Variants in KIAA1549L observed in about 807,000 individuals in gnomAD.
KIAA1549L encodes KIAA1549 like, also known as UPF0606 protein KIAA1549L.
Under a neutral mutation model 160.7 loss-of-function variants are expected in KIAA1549L, and 88 were observed. The observed-to-expected ratio is 0.55, with a 90% CI of 0.46 to 0.65. The LOEUF (loss-of-function observed/expected upper bound fraction) is 0.65, where lower values mean the gene tolerates loss of function less well. KIAA1549L is among the 30% of genes least tolerant of loss of function. The pLI, the probability that KIAA1549L is intolerant of heterozygous loss-of-function variation, is 0.00. For missense variants in KIAA1549L, 2,258 were observed against 2,437.5 expected, an observed-to-expected ratio of 0.93 and a Z score of 1.55; for synonymous variants, 950 against 976.7, an observed-to-expected ratio of 0.97 and a Z score of 0.51.
In KIAA1549L at chr11:33,671,603, C is replaced by A. The variant is rs185776796; in HGVS notation, c.*3449C>A. 1 of 152,174 alleles carries A rather than the reference C, an allele frequency of 6.6e-6. No homozygotes were observed. The highest frequency in any genetic ancestry group is 1.9e-4 in the East Asian group (1 of 5,186). 9.4% of individuals were successfully genotyped at this position (152,174 alleles called of 1,614,324 possible). On this transcript the variant is annotated 3_prime_UTR_variant, in exon 21 of 21. Coordinates refer to ENST00000658780, the MANE Select transcript of KIAA1549L (RefSeq NM_012194.3). Reference sequence around the variant, plus strand: ...TAAAACACACACACACACACACACACACACACACACACACCCTACTTCGGA... The same window carrying A: ...TAAAACACACACACACACACACACAAACACACACACACACCCTACTTCGGA...
chr11:33,472,595 G>T (rs1247346066), intron 1 of KIAA1549L, among the ~76,000 whole-genome samples: 1 of 152,144 alleles, frequency 6.6e-6, no homozygotes, highest in Non-Finnish European at 1.5e-5. Context: ...AAGACAGCCA[G>T]GACTTTCTGT....
Position 33,529,487 on chromosome 11 carries a change from T to A in KIAA1549L, c.239-12315T>A, listed in dbSNP as rs370745909. On this transcript the variant is annotated intron_variant, in intron 1 of 20. Transcript: ENST00000658780. ...TTATGTTCCAAATACTCTTAAAGGA[T>A]GAATGCCTTTAAGCCTCAAAACAGT... Among the ~76,000 whole-genome samples the A allele has an allele frequency of 3.3e-5, 5 of 152,334 alleles. No individual in the cohort carries two copies. The South Asian group carries it at 1.0e-3, about 32-fold the overall frequency.
intron 17 of KIAA1549L, 76 bp from the exon 18 acceptor site, chr11:33,655,936 T>G: frequency 9.7e-7 from 1 of 1,027,580 alleles, no homozygotes. Context: ...TGCTTCCTCC[T>G]CAAACAAGAG....
rs1852569838 is a variant in KIAA1549L at position 33,668,692 on chromosome 11, G to A, written c.*538G>A. ...AAGAAACCTGAGCCCCTTTTTTTTAGGTTCATATTCAAAGTCAAATGAACT... is the reference window on the plus strand; with the variant it reads ...AAGAAACCTGAGCCCCTTTTTTTTAAGTTCATATTCAAAGTCAAATGAACT... On this transcript the variant is annotated 3_prime_UTR_variant, in exon 21 of 21. Transcript: ENST00000658780. 1 of 155,424 alleles carries A rather than the reference G, an allele frequency of 6.4e-6. No homozygotes were observed. The highest frequency in any genetic ancestry group is 6.2e-5 in the Admixed American group (1 of 16,116). 9.6% of individuals were successfully genotyped at this position (155,424 alleles called of 1,614,324 possible). A position where few individuals can be genotyped will look rare whatever the true frequency, so the allele number is the denominator to read the frequency against.
At chr11:33,549,542 C>T (rs1178389862) in intron 4 of KIAA1549L, among the ~76,000 whole-genome samples, 2 of 152,150 alleles carry the variant, frequency 1.3e-5, no homozygotes, top group African/African-American at 4.8e-5. Context: ...GCTGAAATAC[C>T]TCTTGTTCCA....
intron 9 of KIAA1549L, among the ~76,000 whole-genome samples, chr11:33,570,899 C>T (rs561417640): frequency 2.6e-5 from 4 of 152,134 alleles, no homozygotes; most frequent in East Asian, 1.9e-4. Context: ...GAGTGTGGAG[C>T]GAAAAGGGCA....
rs535279359 is a variant in KIAA1549L, at chr11:33,635,658, G to A, written c.5410-10028G>A. Among the ~76,000 whole-genome samples, 6 of 151,272 alleles carry A rather than the reference G, an allele frequency of 4.0e-5. No homozygotes were observed. The South Asian group carries it at 6.3e-4, about 16-fold the overall frequency. On this transcript the variant is annotated intron_variant, in intron 16 of 20. Coordinates refer to ENST00000658780, the MANE Select transcript of KIAA1549L (RefSeq NM_012194.3). ...CCTCAAGAGCCCTTTATCCCTCTTCGTTAAGCCCATTCTAGATAAAACTGT... is the reference window on the plus strand; with the variant it reads ...CCTCAAGAGCCCTTTATCCCTCTTCATTAAGCCCATTCTAGATAAAACTGT...
In KIAA1549L at chr11:33,645,824, C is replaced by T; in HGVS notation, c.5548C>T (p.Gln1850Ter). 1 of 1,613,974 alleles carries T rather than the reference C, an allele frequency of 6.2e-7. No homozygotes were observed. Reference protein sequence around the residue: ...SQPSIDEVRQQMHMLLEEAFS... With the variant: ...SQPSIDEVRQ ...GCCATCCATCGACGAGGTCAGGCAG[C>T]AGATGCACATGCTGCTGGAGGAGGC... The change falls in exon 17 of 21, where the codon CAG becomes TAG. Residue 1850 changes from glutamine (Q) to a stop codon, truncating the protein, a stop_gained. Coordinates refer to ENST00000658780, the MANE Select transcript of KIAA1549L (RefSeq NM_012194.3). LOFTEE classifies it high-confidence loss of function.
chr11:33,567,708 C>T (rs1855096277), intron 8 of KIAA1549L, among the ~76,000 whole-genome samples: 2 of 152,214 alleles, frequency 1.3e-5, no homozygotes, highest in South Asian at 4.1e-4. Flanking sequence ...GGACTTTTAG[C>T]AACACAGATC....
chr11:33,553,300 C>T (rs988201226), intron 6 of KIAA1549L, among the ~76,000 whole-genome samples: 9 of 84,148 alleles, frequency 1.1e-4, no homozygotes, highest in South Asian at 5.5e-4. Flanking sequence ...ACACCTGGTG[C>T]GCTGTATTTT....
At chr11:33,544,488 A>T in intron 2 of KIAA1549L, 152 bp downstream of exon 2, 2 of 837,426 alleles carry the variant, frequency 2.4e-6, no homozygotes, top group Non-Finnish European at 3.7e-6. Flanking sequence ...AGTAGCCCCA[A>T]GTAGTCACCT....
At chr11:33,388,698 C>T (rs566501734) in intron 1 of KIAA1549L, among the ~76,000 whole-genome samples, 34 of 152,242 alleles carry the variant, frequency 2.2e-4, no homozygotes, top group African/African-American at 7.9e-4. Context: ...AGGGAAAGAC[C>T]TTTTATTATA....
chr11:33,411,449 T>A (rs1303801655), intron 1 of KIAA1549L, among the ~76,000 whole-genome samples: 1 of 152,196 alleles, frequency 6.6e-6, no homozygotes, highest in Non-Finnish European at 1.5e-5. Flanking sequence ...GCATCCAGAT[T>A]GCATACCTCT....
intron 12 of KIAA1549L, 126 bp from the exon 13 acceptor site, chr11:33,598,694 T>C: frequency 8.5e-7 from 1 of 1,181,512 alleles, no homozygotes; most frequent in South Asian, 1.5e-5. Flanking sequence ...TCTGTATCGT[T>C]TCCTCTTTGT....
rs1459999427 is a variant in KIAA1549L at position 33,671,045 on chromosome 11, G to GAT, written c.*2892_*2893dup. 27 of 152,308 alleles carry GAT rather than the reference G, an allele frequency of 1.8e-4. No individual in the cohort carries two copies. In the South Asian group the frequency reaches 2.9e-3, roughly 16 times the overall value. The allele number at this position is 152,308 out of a possible 1,614,324, so 9.4% of individuals were successfully genotyped here. The stretch of plus-strand genomic sequence containing the variant: ...CCATAATGTTCTTGCCAAGAAAAAA[G>GAT]ATGATTGAGTATATAACGAACTTCA... On this transcript the variant is annotated 3_prime_UTR_variant, in exon 21 of 21. Transcript: ENST00000658780.
chr11:33,434,155 T>G (rs1851308893), intron 1 of KIAA1549L, among the ~76,000 whole-genome samples: 1 of 152,056 alleles, frequency 6.6e-6, no homozygotes, highest in African/African-American at 2.4e-5. Flanking sequence ...GATACACAGA[T>G]TTTTTTAAAA....
intron 1 of KIAA1549L, among the ~76,000 whole-genome samples, chr11:33,416,243 TG>T (rs1410670359): frequency 6.6e-6 from 1 of 152,120 alleles, no homozygotes; most frequent in Non-Finnish European, 1.5e-5. Flanking sequence ...GAGTTCCATA[TG>T]GGAGTATTTA....
At chr11:33,594,673 C>T (rs1478048531) in intron 12 of KIAA1549L, among the ~76,000 whole-genome samples, 1 of 152,190 alleles carries the variant, frequency 6.6e-6, no homozygotes, top group African/African-American at 2.4e-5. Context: ...ATGGTCAAGT[C>T]CAGACTCAGC....
chr11:33,551,729 T>C (rs1367823393), intron 5 of KIAA1549L, among the ~76,000 whole-genome samples: 1 of 152,194 alleles, frequency 6.6e-6, no homozygotes, highest in Non-Finnish European at 1.5e-5. Context: ...GAGGAACTCT[T>C]AAAATCGAAA....
Sources: allele counts gnomAD v4.1 joint callset (sites outside exome capture counted in the v4.1 genomes callset), GRCh38; gene constraint gnomAD v4.1.1; transcripts MANE v1.5; gene names NCBI Gene and HGNC (gene_info 2026-07-23, HGNC 2026-07-21).